The following PDE2A variants were observed in gnomAD, a reference collection of about 807,000 sequenced individuals.
PDE2A encodes cGMP-dependent 3',5'-cyclic phosphodiesterase.
A neutral mutation model predicts 133.6 loss-of-function variants in PDE2A; 53 were observed. That is an observed-to-expected ratio of 0.40 (90% CI 0.32 to 0.50). The LOEUF is 0.50. PDE2A is among the 20% of genes least tolerant of loss of function. PDE2A has a pLI of 0.73. For missense variants in PDE2A, 796 were observed against 1,232.4 expected, an observed-to-expected ratio of 0.65 and a Z score of 5.30; for synonymous variants, 491 against 490.2, an observed-to-expected ratio of 1.00 and a Z score of -0.02.
intron 27 of PDE2A, 64 bp from the exon 28 acceptor site, chr11:72,579,073 C>A: frequency 1.6e-6 from 2 of 1,244,954 alleles, no homozygotes; most frequent in Non-Finnish European, 2.4e-6. Flanking sequence ...GAGGACAAGG[C>A]TCCCAGGGCC....
At chr11:72,622,355 A>G (rs61895572) in intron 2 of PDE2A, among the ~76,000 whole-genome samples, 55,320 of 152,112 alleles carry the variant, frequency 0.36, 11,230 homozygotes, top group Middle Eastern at 0.51. Context: ...ACTTCTAGGT[A>G]TACATCTGAA....
rs80260789 is a variant in PDE2A at position 72,582,121 on chromosome 11, A to C, written c.1852-174T>G. On this transcript the variant is annotated intron_variant, in intron 21 of 30. Transcript: ENST00000334456. ...TTCTCGGAGCTATGCATTTTTAGAG[A>C]TCTAAGAACTAAGAACTCTTGAAAC... 8,116 of 628,090 alleles carry C rather than the reference A, an allele frequency of 0.013. 532 individuals carry two copies. In the African/African-American group the frequency reaches 0.13, roughly 10 times the overall value. 38.9% of individuals were successfully genotyped at this position (628,090 alleles called of 1,614,324 possible). A position where few individuals can be genotyped will look rare whatever the true frequency, so the allele number is the denominator to read the frequency against.
At chr11:72,594,015 T>A (rs1856368021) in intron 6 of PDE2A, among the ~76,000 whole-genome samples, 1 of 152,202 alleles carries the variant, frequency 6.6e-6, no homozygotes, top group Admixed American at 6.5e-5. Flanking sequence ...TACTCCCAAG[T>A]AGCTGGGGTT....
At chr11:72,627,408 G>C (rs1305765007) in intron 2 of PDE2A, among the ~76,000 whole-genome samples, 2 of 152,356 alleles carry the variant, frequency 1.3e-5, no homozygotes, top group East Asian at 3.9e-4. Context: ...GGACCAGTCT[G>C]AGGAACGTCA....
In PDE2A at chr11:72,608,811, G is replaced by A. The variant is rs567145681; in HGVS notation, c.145-60C>T. On this transcript the variant is annotated intron_variant, in intron 2 of 30. Transcript: ENST00000334456. ...CAGGCAGGCCAGGGCAGCCCCATCTGCCCAAAGGACTGTGAGCAAAACCCC... is the reference window on the plus strand; with the variant it reads ...CAGGCAGGCCAGGGCAGCCCCATCTACCCAAAGGACTGTGAGCAAAACCCC... The A allele has an allele frequency of 1.1e-5, 10 of 921,564 alleles. 2 individuals carry two copies. In the African/African-American group the frequency reaches 1.5e-4, roughly 14 times the overall value. 57.1% of individuals were successfully genotyped at this position (921,564 alleles called of 1,614,324 possible). A position where few individuals can be genotyped will look rare whatever the true frequency, so the allele number is the denominator to read the frequency against.
chr11:72,674,068 G>A, intron 1 of PDE2A, 69 bp downstream of exon 1: 2 of 1,476,712 alleles, frequency 1.4e-6, no homozygotes, highest in Non-Finnish European at 1.9e-6. Context: ...CTCCTTGGAG[G>A]GACTCCCAGG....
rs1419846062 is a variant in PDE2A at position 72,577,537 on chromosome 11, G to A, written c.2673C>T (p.Asn891=). ...GGGACACCTTGGTCCAGTGCTCACG[G>A]TTGGAGGCCACGCGCTCGTACAGCT... ...AAELYERVAS[N]REHWTKVSHK... Residue 891 remains asparagine, a synonymous_variant, in exon 31 of 31, where the codon AAC becomes AAT. Coordinates refer to ENST00000334456, the MANE Select transcript of PDE2A (RefSeq NM_002599.5). 1 of 1,611,576 alleles carries A rather than the reference G, an allele frequency of 6.2e-7. No homozygotes were observed. Among genetic ancestry groups the A allele is most frequent in the South Asian group, 1.1e-5 (1 of 91,084 alleles).
chr11:72,607,437 T>G (rs895970310), intron 3 of PDE2A, among the ~76,000 whole-genome samples: 1 of 152,136 alleles, frequency 6.6e-6, no homozygotes, highest in Non-Finnish European at 1.5e-5. Context: ...CCAGCCCAGA[T>G]GTTGCCTTAG....
chr11:72,647,546 G>T (rs991813191), intron 1 of PDE2A, among the ~76,000 whole-genome samples: 1 of 152,242 alleles, frequency 6.6e-6, no homozygotes, highest in African/African-American at 2.4e-5. Context: ...CCTCAGGAGA[G>T]GCTGTGTGTG....
chr11:72,624,902 G>A (rs1857979209), intron 2 of PDE2A, among the ~76,000 whole-genome samples: 2 of 152,184 alleles, frequency 1.3e-5, no homozygotes, highest in South Asian at 2.1e-4. Flanking sequence ...TAAGCTCCGT[G>A]TCACATGTGC....
intron 3 of PDE2A, among the ~76,000 whole-genome samples, chr11:72,607,065 C>T (rs1856999646): frequency 6.6e-6 from 1 of 152,164 alleles, no homozygotes; most frequent in Non-Finnish European, 1.5e-5. Flanking sequence ...GCAGAGCAGA[C>T]CTCAGCTCCC....
At chr11:72,619,959 G>A (rs532110709) in intron 2 of PDE2A, among the ~76,000 whole-genome samples, 1 of 152,286 alleles carries the variant, frequency 6.6e-6, no homozygotes, top group South Asian at 2.1e-4. Context: ...CCAGCAGGGG[G>A]CTGGGGCCAC....
chr11:72,626,757 T>G (rs920538929), intron 2 of PDE2A, among the ~76,000 whole-genome samples: 1 of 152,172 alleles, frequency 6.6e-6, no homozygotes, highest in East Asian at 1.9e-4. Context: ...CCCCCGCAGC[T>G]GGGCCCACAT....
intron 6 of PDE2A, among the ~76,000 whole-genome samples, chr11:72,592,406 C>G (rs1367748545): frequency 6.6e-6 from 1 of 152,186 alleles, no homozygotes; most frequent in Admixed American, 6.5e-5. Context: ...AGGAGACCAG[C>G]AGGTTCTCGG....
At chr11:72,635,876 G>C (rs748733620) in intron 2 of PDE2A, 2 of 694,066 alleles carry the variant, frequency 2.9e-6, no homozygotes, top group African/African-American at 3.7e-5. Flanking sequence ...CTGCTCTTCA[G>C]CTCTGCCTGT....
At chr11:72,624,659 G>C (rs868374220) in intron 2 of PDE2A, among the ~76,000 whole-genome samples, 1 of 152,228 alleles carries the variant, frequency 6.6e-6, no homozygotes. Context: ...CCCTCCATGT[G>C]CTCACTGTCA....
At chr11:72,617,625 TG>T (rs1857539477) in intron 2 of PDE2A, among the ~76,000 whole-genome samples, 1 of 151,770 alleles carries the variant, frequency 6.6e-6, no homozygotes, top group African/African-American at 2.4e-5. Context: ...AGGGGGAAAG[TG>T]GAAGTATGAG....
rs745888191 is a variant in PDE2A, at chr11:72,577,450, G to A, written c.2760C>T (p.Tyr920=). Residue 920 remains tyrosine, a synonymous_variant, in exon 31 of 31, where the codon TAC becomes TAT. Transcript: ENST00000334456. ...NNSLDFLDEE[Y]EVPDLDGTRA... ...TAGTGCCATCCAGATCAGGCACCTC[G>A]TACTCCTCATCCAGGAAGTCCAGCG... 25 of 1,613,970 alleles carry A rather than the reference G, an allele frequency of 1.5e-5. No homozygotes were observed. In the South Asian group the frequency reaches 1.8e-4, roughly 11 times the overall value.
At chr11:72,612,695 T>A (rs1286472790) in intron 2 of PDE2A, among the ~76,000 whole-genome samples, 1 of 103,198 alleles carries the variant, frequency 9.7e-6, no homozygotes, top group Non-Finnish European at 1.9e-5. Flanking sequence ...GATGGGTGGG[T>A]GGATGGTGGG....
Sources: gnomAD v4.1 joint callset for allele counts (sites outside exome capture counted in the v4.1 genomes callset) on GRCh38, gnomAD v4.1.1 for gene constraint, MANE v1.5 for transcripts, NCBI Gene and HGNC (gene_info 2026-07-23, HGNC 2026-07-21) for gene names.